The following ESRRG variants were observed in gnomAD, a reference collection of about 807,000 sequenced individuals.
ESRRG encodes estrogen-related receptor gamma.
A neutral mutation model predicts 44.0 loss-of-function variants in ESRRG; 13 were observed. The observed-to-expected ratio is 0.30, with a 90% CI of 0.19 to 0.47. The LOEUF (loss-of-function observed/expected upper bound fraction) is 0.47, where lower values mean the gene tolerates loss of function less well. Among genes scored for constraint, ESRRG ranks in the 20% least tolerant of loss-of-function variants. The pLI, the probability that ESRRG is intolerant of heterozygous loss-of-function variation, is 1.00. For missense variants in ESRRG, 395 were observed against 580.6 expected (o/e 0.68, Z 3.29); for synonymous variants, 215 against 214.6 (o/e 1.00, Z -0.02).
intron 2 of ESRRG, among the ~76,000 whole-genome samples, chr1:216,788,336 T>C (rs1295985313): frequency 2.0e-5 from 3 of 152,126 alleles, no homozygotes; most frequent in African/African-American, 4.8e-5. Context: ...AAGCCAGTGC[T>C]CATGTACCTT....
intron 1 of ESRRG, among the ~76,000 whole-genome samples, chr1:216,702,654 G>A (rs2081617397): frequency 6.7e-6 from 1 of 150,124 alleles, no homozygotes; most frequent in Non-Finnish European, 1.5e-5. Flanking sequence ...GCATATGCCT[G>A]TAATCCCAGC....
intron 1 of ESRRG, among the ~76,000 whole-genome samples, chr1:217,026,946 G>A (rs953092194): frequency 1.4e-5 from 2 of 145,984 alleles, no homozygotes. Context: ...GAGAGAGAGA[G>A]AGAAAGCCCA....
At chr1:216,657,110 T>C (rs1007669846) in intron 2 of ESRRG, among the ~76,000 whole-genome samples, 4 of 152,202 alleles carry the variant, frequency 2.6e-5, no homozygotes, top group African/African-American at 9.6e-5. Flanking sequence ...ACTTTCCTTT[T>C]TTTCTTTGTT....
intron 2 of ESRRG, among the ~76,000 whole-genome samples, chr1:216,756,524 T>G (rs1222251118): frequency 6.6e-6 from 1 of 152,016 alleles, no homozygotes; most frequent in African/African-American, 2.4e-5. Context: ...GTTTTTTCTC[T>G]CTTTGACAGA....
intron 1 of ESRRG, among the ~76,000 whole-genome samples, chr1:217,026,386 C>T (rs11572425): frequency 6.6e-6 from 1 of 152,210 alleles, no homozygotes; most frequent in Non-Finnish European, 1.5e-5. Flanking sequence ...GAAGACCCTG[C>T]AAATGGCAAG....
intron 2 of ESRRG, among the ~76,000 whole-genome samples, chr1:216,730,530 TG>T (rs1166884258): frequency 6.6e-6 from 1 of 152,148 alleles, no homozygotes; most frequent in Admixed American, 6.6e-5. Flanking sequence ...ATCTGTGAGC[TG>T]GGCTGGGCCT....
chr1:216,554,681 G>A (rs889082943), intron 5 of ESRRG, among the ~76,000 whole-genome samples: 10 of 152,064 alleles, frequency 6.6e-5, no homozygotes, highest in Admixed American at 5.2e-4. Flanking sequence ...GATAGTTGGG[G>A]TCACTTTTGC....
At chr1:216,929,262 GCTTCCTTCCTTC>G (rs796593670) in intron 2 of ESRRG, among the ~76,000 whole-genome samples, 2 of 151,710 alleles carry the variant, frequency 1.3e-5, no homozygotes, top group African/African-American at 4.8e-5. Context: ...TTCCTTCCTT[GCTTCCTTCCTTC>G]CTTCCTTCCT....
At chr1:217,111,774 A>G (rs941732514) in intron 1 of ESRRG, among the ~76,000 whole-genome samples, 7 of 152,184 alleles carry the variant, frequency 4.6e-5, no homozygotes, top group African/African-American at 1.7e-4. Flanking sequence ...TCTGATAGTC[A>G]CTGTGAAAAA....
chr1:216,862,656 A>T (rs2096072795), intron 2 of ESRRG: 1 of 152,220 alleles, frequency 6.6e-6, no homozygotes, highest in Non-Finnish European at 1.5e-5. Context: ...ATACTGTAGG[A>T]TTCCACTTAC....
At chr1:216,996,298 T>C (rs887051805) in intron 1 of ESRRG, among the ~76,000 whole-genome samples, 1 of 151,758 alleles carries the variant, frequency 6.6e-6, no homozygotes, top group Non-Finnish European at 1.5e-5. Context: ...GTATAAAAAG[T>C]GTACATGCAG....
rs77475948 is a variant in ESRRG, at chr1:217,022,682, G to A, written c.-106+66825C>T. The stretch of plus-strand genomic sequence containing the variant: ...AACCGGTATGTCTAGTGACTGTAGC[G>A]TTTCATGACCGAGTAAAATGGCCCT... On this transcript the variant is annotated intron_variant, in intron 1 of 7. Coordinates refer to the ESRRG transcript ENST00000359162. Among the ~76,000 whole-genome samples the A allele has an allele frequency of 8.3e-3, 1,264 of 152,280 alleles. 22 individuals carry two copies. The highest frequency in any genetic ancestry group is 0.028 in the African/African-American group (1,180 of 41,560).
intron 1 of ESRRG, among the ~76,000 whole-genome samples, chr1:216,982,848 C>T (rs2074192313): frequency 6.6e-6 from 1 of 152,120 alleles, no homozygotes; most frequent in African/African-American, 2.4e-5. Context: ...ATCACAGACA[C>T]TGTTTTTTCC....
intron 3 of ESRRG, among the ~76,000 whole-genome samples, chr1:216,647,364 T>C (rs2067852987): frequency 6.6e-6 from 1 of 152,194 alleles, no homozygotes; most frequent in South Asian, 2.1e-4. Context: ...GGATGCTGAA[T>C]GGTGCCACCA....
intron 2 of ESRRG, among the ~76,000 whole-genome samples, chr1:216,857,686 C>A (rs1355645408): frequency 1.4e-5 from 2 of 148,096 alleles, no homozygotes; most frequent in African/African-American, 5.0e-5. Flanking sequence ...AAAACTAAGT[C>A]TAGTCCAGAA....
intron 1 of ESRRG, among the ~76,000 whole-genome samples, chr1:217,035,994 G>T (rs1479130242): frequency 6.6e-6 from 1 of 152,124 alleles, no homozygotes; most frequent in Non-Finnish European, 1.5e-5. Flanking sequence ...TTAAAAAATG[G>T]ACAAAGGACA....
chr1:216,739,073 T>C (rs2090343023), intron 2 of ESRRG, among the ~76,000 whole-genome samples: 1 of 152,154 alleles, frequency 6.6e-6, no homozygotes, highest in African/African-American at 2.4e-5. Flanking sequence ...AGGCTCCCAG[T>C]AGAATAGAGA....
At chr1:216,567,157 G>A (rs11572768) in intron 4 of ESRRG, among the ~76,000 whole-genome samples, 21,842 of 152,062 alleles carry the variant, frequency 0.14, 2,065 homozygotes, top group Non-Finnish European at 0.21. Context: ...TTGGAAAACC[G>A]TTTTCACCAA....
intron 3 of ESRRG, among the ~76,000 whole-genome samples, chr1:216,612,689 A>G (rs1047248837): frequency 6.6e-6 from 1 of 151,896 alleles, no homozygotes; most frequent in Non-Finnish European, 1.5e-5. Context: ...TTTACTTTAC[A>G]CTCCTCAAAA....
Sources: allele counts gnomAD v4.1 joint callset (sites outside exome capture counted in the v4.1 genomes callset), GRCh38; gene constraint gnomAD v4.1.1; transcripts MANE v1.5; gene names NCBI Gene and HGNC (gene_info 2026-07-23, HGNC 2026-07-21).